The following CA10 variants were observed in gnomAD, a reference collection of about 807,000 sequenced individuals.
CA10 encodes the protein carbonic anhydrase-related protein 10.
In CA10, 14 loss-of-function variants were observed where a neutral mutation model predicts 44.2. The observed-to-expected ratio is 0.32, with a 90% CI of 0.21 to 0.50. The LOEUF is 0.50. CA10 is among the 20% of genes least tolerant of loss of function. The pLI, the probability that CA10 is intolerant of heterozygous loss-of-function variation, is 0.99. For synonymous variants in CA10, 159 were observed against 141.6 expected, an observed-to-expected ratio of 1.12 and a Z score of -0.87; for missense variants, 350 against 409.7, an observed-to-expected ratio of 0.85 and a Z score of 1.26.
chr17:52,028,123 A>C (rs1986355866), intron 2 of CA10, among the ~76,000 whole-genome samples: 1 of 152,140 alleles, frequency 6.6e-6, no homozygotes, highest in Non-Finnish European at 1.5e-5. Flanking sequence ...AAAGGTGAGA[A>C]CCAAATGAGC....
At chr17:52,024,329 G>A (rs1273782770) in intron 2 of CA10, among the ~76,000 whole-genome samples, 4 of 152,082 alleles carry the variant, frequency 2.6e-5, no homozygotes. Context: ...TCACATATGT[G>A]AAATGTGAGC....
chr17:52,062,669 G>C (rs1027162899), intron 2 of CA10, among the ~76,000 whole-genome samples: 1 of 152,204 alleles, frequency 6.6e-6, no homozygotes, highest in African/African-American at 2.4e-5. Flanking sequence ...TGCTCCAGAG[G>C]GTGCAAGCCA....
intron 3 of CA10, among the ~76,000 whole-genome samples, chr17:51,817,168 A>G (rs61125748): frequency 0.053 from 8,004 of 152,198 alleles, 597 homozygotes; most frequent in African/African-American, 0.17. Context: ...GAAATGCACA[A>G]CAGATGAAGG....
intron 4 of CA10, among the ~76,000 whole-genome samples, chr17:51,742,774 T>A (rs1349494268): frequency 6.6e-6 from 1 of 152,188 alleles, no homozygotes; most frequent in East Asian, 1.9e-4. Context: ...CTCTCAGATG[T>A]GTTTTGAGCA....
intron 1 of CA10, among the ~76,000 whole-genome samples, chr17:52,130,529 A>G (rs1276421823): frequency 6.6e-6 from 1 of 152,222 alleles, no homozygotes; most frequent in East Asian, 1.9e-4. Context: ...AGAACACTAC[A>G]TTAATTGAAA....
At chr17:52,004,168 T>G (rs113765424) in intron 2 of CA10, among the ~76,000 whole-genome samples, 14 of 152,112 alleles carry the variant, frequency 9.2e-5, no homozygotes, top group African/African-American at 3.4e-4. Context: ...GAATTATGCT[T>G]CTTCTTATAC....
At chr17:51,642,419 T>C (rs1394913268) in intron 6 of CA10, among the ~76,000 whole-genome samples, 1 of 152,192 alleles carries the variant, frequency 6.6e-6, no homozygotes, top group Non-Finnish European at 1.5e-5. Flanking sequence ...CAGTTCCAAG[T>C]TGATCTGTCC....
At chr17:52,099,811 A>T (rs1988494314) in intron 1 of CA10, among the ~76,000 whole-genome samples, 1 of 152,240 alleles carries the variant, frequency 6.6e-6, no homozygotes, top group South Asian at 2.1e-4. Flanking sequence ...AAGACTGAAG[A>T]TATGGAGTCT....
At chr17:51,936,851 G>C (rs1295892728) in intron 2 of CA10, among the ~76,000 whole-genome samples, 2 of 152,232 alleles carry the variant, frequency 1.3e-5, no homozygotes, top group Admixed American at 1.3e-4. Flanking sequence ...GCAACAGTTG[G>C]GGACATAGGT....
At chr17:51,867,790 G>A (rs1979619390) in intron 3 of CA10, among the ~76,000 whole-genome samples, 1 of 152,140 alleles carries the variant, frequency 6.6e-6, no homozygotes, top group South Asian at 2.1e-4. Context: ...GTCCCCTCAG[G>A]ACAGAATGTG....
chr17:52,086,364 G>C (rs1282175841), intron 1 of CA10, among the ~76,000 whole-genome samples: 1 of 152,132 alleles, frequency 6.6e-6, no homozygotes, highest in Non-Finnish European at 1.5e-5. Context: ...CTGTCCTGTG[G>C]CTCTGCTATC....
At chr17:52,045,892 TCA>T (rs945179146) in intron 2 of CA10, among the ~76,000 whole-genome samples, 1 of 151,882 alleles carries the variant, frequency 6.6e-6, no homozygotes, top group Non-Finnish European at 1.5e-5. Context: ...CGTATGACAA[TCA>T]CAACAGAAAT....
Position 51,847,287 on chromosome 17 carries a change from G to T in CA10, c.279+83703C>A, listed in dbSNP as rs143611326. On this transcript the variant is annotated intron_variant, in intron 3 of 8. Transcript: ENST00000451037. ...CAATCTTCCCTCTTGCAGGGAAATC[G>T]CTCCAGAAGGCAAATGAAGTAGTCT... is the stretch of plus-strand genomic sequence containing the variant. 2.7e-4 allele frequency among the ~76,000 whole-genome samples: 41 copies of T among 152,184 alleles called. 2 individuals are homozygous for T. Among genetic ancestry groups the T allele is most frequent in the African/African-American group, 9.6e-4 (40 of 41,530 alleles).
chr17:51,764,196 A>G (rs190637615), intron 3 of CA10, among the ~76,000 whole-genome samples: 116 of 152,312 alleles, frequency 7.6e-4, no homozygotes, highest in African/African-American at 2.7e-3. Flanking sequence ...TCATGCCAAC[A>G]ATCTTGTAGT....
intron 2 of CA10, among the ~76,000 whole-genome samples, chr17:52,055,056 G>C (rs1285710716): frequency 1.3e-5 from 2 of 152,004 alleles, no homozygotes; most frequent in Non-Finnish European, 2.9e-5. Context: ...TATACACTTA[G>C]ATATATCCCA....
chr17:52,000,306 G>A (rs1251696219), intron 2 of CA10, among the ~76,000 whole-genome samples: 5 of 152,016 alleles, frequency 3.3e-5, no homozygotes, highest in Non-Finnish European at 7.4e-5. Context: ...TTTCATGCAG[G>A]TGTAGTGAAA....
chr17:51,778,254 G>T (rs921962099), intron 3 of CA10, among the ~76,000 whole-genome samples: 3 of 152,106 alleles, frequency 2.0e-5, no homozygotes, highest in Non-Finnish European at 2.9e-5. Context: ...CAACTCTGAA[G>T]GTCCTGTTTC....
chr17:52,021,645 A>G (rs1319011962), intron 2 of CA10, among the ~76,000 whole-genome samples: 1 of 152,088 alleles, frequency 6.6e-6, no homozygotes, highest in African/African-American at 2.4e-5. Context: ...AAAAAGATCA[A>G]TAGACTACTA....
At chr17:51,787,361 G>A (rs1208079535) in intron 3 of CA10, among the ~76,000 whole-genome samples, 1 of 152,100 alleles carries the variant, frequency 6.6e-6, no homozygotes, top group Non-Finnish European at 1.5e-5. Flanking sequence ...TTCAATGTTG[G>A]TAGGTTGTAT....
Sources: allele counts gnomAD v4.1 joint callset (sites outside exome capture counted in the v4.1 genomes callset), GRCh38; gene constraint gnomAD v4.1.1; transcripts MANE v1.5; gene names NCBI Gene and HGNC (gene_info 2026-07-23, HGNC 2026-07-21).